The following CLDN15 variants were observed in gnomAD, a reference collection of about 807,000 sequenced individuals.
CLDN15 encodes the protein claudin-15.
CLDN15 carries 9 observed loss-of-function variants against 24.5 expected under a neutral mutation model. The ratio of observed to expected loss-of-function variants is 0.37; its 90% CI spans 0.22 to 0.64. The LOEUF is 0.64. Among genes scored for constraint, CLDN15 ranks in the 30% least tolerant of loss-of-function variants. The probability of loss-of-function intolerance (pLI) is 0.63; values close to 1 mark genes in which losing one functional copy is unlikely to be tolerated. For synonymous variants in CLDN15, 149 were observed against 131.4 expected (o/e 1.13, Z -0.92); for missense variants, 248 against 305.9 (o/e 0.81, Z 1.41).
chr7:101,232,109 CATTTATTAATGAATGT>C lies in CLDN15; in HGVS notation c.*285_*300del, dbSNP rs1798510204. The C allele has an allele frequency of 7.2e-6, 2 of 276,076 alleles. No individual in the cohort carries two copies. The highest frequency in any genetic ancestry group is 1.4e-5 in the Non-Finnish European group (2 of 147,100). 17.1% of individuals were successfully genotyped at this position (276,076 alleles called of 1,614,324 possible). ...TCAAGCCCTGAACGGTCACAATATG[CATTTATTAATGAATGT>C]ATTTATACACAATACAAACGTGCGG... On this transcript the variant is annotated 3_prime_UTR_variant, in exon 5 of 5. Transcript: ENST00000308344.
intron 2 of CLDN15, 76 bp downstream of exon 2, chr7:101,234,202 G>A (rs1361080183): frequency 8.7e-7 from 1 of 1,152,234 alleles, no homozygotes; most frequent in Non-Finnish European, 1.3e-6. Flanking sequence ...AATTGGAGAG[G>A]AGATTAGATG....
intron 1 of CLDN15, among the ~76,000 whole-genome samples, chr7:101,236,256 T>A (rs1250061061): frequency 2.0e-5 from 3 of 150,794 alleles, no homozygotes; most frequent in Non-Finnish European, 4.4e-5. Flanking sequence ...TATAGGGTTT[T>A]TTTTGGGGGG....
chr7:101,232,743 G>A (rs748897775), intron 3 of CLDN15, 23 bp from the exon 4 acceptor site: 8 of 1,587,966 alleles, frequency 5.0e-6, no homozygotes, highest in East Asian at 2.3e-5. Context: ...GCGGCGCGGG[G>A]GCGGGGGACA....
rs1283605415 is a variant in CLDN15, at chr7:101,237,636, C to T, written c.-55G>A. 3 of 1,336,712 alleles carry T rather than the reference C, an allele frequency of 2.2e-6. No individual in the cohort carries two copies. Among genetic ancestry groups the T allele is most frequent in the Non-Finnish European group, 3.2e-6 (3 of 934,340 alleles). The allele number at this position is 1,336,712 out of a possible 1,614,324, so 82.8% of individuals were successfully genotyped here. ...GCCCCAGAGAGGGGGAGGGGCAGAACCCCTAGGGAACTGGAAGGGGCTGCG... is the reference window on the plus strand; with the variant it reads ...GCCCCAGAGAGGGGGAGGGGCAGAATCCCTAGGGAACTGGAAGGGGCTGCG... On this transcript the variant is annotated 5_prime_UTR_variant, in exon 1 of 5. Coordinates refer to ENST00000308344, the MANE Select transcript of CLDN15 (RefSeq NM_014343.3). The surrounding 1 kb of genome is among the most constrained non-coding windows in gnomAD (Gnocchi z 4.0).
At position 101,232,633 on chromosome 7, in the gene CLDN15, G is replaced by A; in HGVS notation, c.552C>T (p.Cys184=). 6.3e-7 allele frequency: 1 copy of A among 1,586,916 alleles called. No homozygotes were observed. Among genetic ancestry groups the A allele is most frequent in the Non-Finnish European group, 8.6e-7 (1 of 1,167,000 alleles). The part of the protein sequence containing the change: ...LGGLCLCSAC[C]CGSDEDPAAS... Reference sequence around the variant, plus strand: ...CGGCTGGGTCCTCGTCAGAGCCGCAGCAGCAGGCGGAGCAGAGGCAGAGGC... The same window carrying A: ...CGGCTGGGTCCTCGTCAGAGCCGCAACAGCAGGCGGAGCAGAGGCAGAGGC... The change falls in exon 4 of 5, where the codon TGC becomes TGT. Residue 184 remains cysteine, a synonymous_variant. Coordinates refer to ENST00000308344, the MANE Select transcript of CLDN15 (RefSeq NM_014343.3).
At chr7:101,233,556 C>G (rs1479399704) in intron 2 of CLDN15, among the ~76,000 whole-genome samples, 2 of 152,126 alleles carry the variant, frequency 1.3e-5, no homozygotes, top group African/African-American at 4.8e-5. Context: ...TCTCACTATG[C>G]TGCCCAGGCT....
At chr7:101,233,787 T>TA (rs1798548067) in intron 2 of CLDN15, 1 of 152,880 alleles carries the variant, frequency 6.5e-6, no homozygotes. Context: ...TTTTTTTTTT[T>TA]TTTTTTTGGT....
chr7:101,234,727 C>T (rs1300328883), intron 1 of CLDN15, among the ~76,000 whole-genome samples: 1 of 152,084 alleles, frequency 6.6e-6, no homozygotes, highest in South Asian at 2.1e-4. Flanking sequence ...GTGCCAGGCC[C>T]CCCTCACCTT....
Position 101,237,696 on chromosome 7 carries a change from A to G in CLDN15, c.-115T>C. On this transcript the variant is annotated 5_prime_UTR_variant, in exon 1 of 5. Coordinates refer to ENST00000308344, the MANE Select transcript of CLDN15 (RefSeq NM_014343.3). This position sits in a 1 kb window ranked among gnomAD's most constrained non-coding sequence, Gnocchi z 4.0. ...GGTTGTCCAGGCAGGCTGGGGTGGA[A>G]TCAGCCTCAGCCTCTGCCTGCCTCT... 1.4e-6 allele frequency: 1 copy of G among 734,092 alleles called. No homozygotes were observed. The highest frequency in any genetic ancestry group is 2.4e-6 in the Non-Finnish European group (1 of 419,074). 45.5% of individuals were successfully genotyped at this position (734,092 alleles called of 1,614,324 possible). A position where few individuals can be genotyped will look rare whatever the true frequency, so the allele number is the denominator to read the frequency against.
Position 101,237,604 on chromosome 7 carries a change from G to A in CLDN15, c.-23C>T, listed in dbSNP as rs548501878. 5.1e-6 allele frequency: 8 copies of A among 1,577,286 alleles called. No individual in the cohort carries two copies. In the South Asian group the frequency reaches 8.9e-5, roughly 18 times the overall value. On this transcript the variant is annotated 5_prime_UTR_variant, in exon 1 of 5. Transcript: ENST00000308344. The surrounding 1 kb of genome is among the most constrained non-coding windows in gnomAD (Gnocchi z 4.0). ...CATGGTGGGATGCAGGACCCTGGGG[G>A]GCTGGTGCCCCAGAGAGGGGGAGGG...
upstream of CLDN15, chr7:101,238,071 G>A (rs1798669914): frequency 4.7e-6 from 1 of 213,470 alleles, no homozygotes; most frequent in African/African-American, 2.2e-5. Flanking sequence ...GGAGTGAAAA[G>A]ATGACAGAGA....
chr7:101,232,593 A>C lies in CLDN15; in HGVS notation c.581+11T>G. 1 of 1,594,774 alleles carries C rather than the reference A, an allele frequency of 6.3e-7. No homozygotes were observed. The highest frequency in any genetic ancestry group is 8.5e-7 in the Non-Finnish European group (1 of 1,170,718). On this transcript the variant is annotated intron_variant, in intron 4 of 4. Transcript: ENST00000308344. ...CCCGCCCGGCCCCAGCCTGCGCCTC[A>C]CCCTGCTCACCTGGCGGCTGGGTCC...
upstream of CLDN15, chr7:101,237,908 G>A (rs1452339152): frequency 4.3e-5 from 16 of 373,138 alleles, no homozygotes; most frequent in South Asian, 2.7e-4. This position sits in a 1 kb window ranked among gnomAD's most constrained non-coding sequence, Gnocchi z 4.0. Flanking sequence ...CGGGCTCCCC[G>A]CCCCACGAGG....
At position 101,232,588 on chromosome 7, in the gene CLDN15, G is replaced by A. The variant is rs776536091; in HGVS notation, c.581+16C>T. 6.3e-7 allele frequency: 1 copy of A among 1,593,540 alleles called. No homozygotes were observed. Among genetic ancestry groups the A allele is most frequent in the East Asian group, 2.3e-5 (1 of 44,260 alleles). On this transcript the variant is annotated intron_variant, in intron 4 of 4. Coordinates refer to ENST00000308344, the MANE Select transcript of CLDN15 (RefSeq NM_014343.3). Reference sequence around the variant, plus strand: ...CCAATCCCGCCCGGCCCCAGCCTGCGCCTCACCCTGCTCACCTGGCGGCTG... The same window carrying A: ...CCAATCCCGCCCGGCCCCAGCCTGCACCTCACCCTGCTCACCTGGCGGCTG...
Position 101,237,419 on chromosome 7 carries a change from C to T in CLDN15, c.163G>A (p.Asp55Asn), listed in dbSNP as rs750625230. The change falls in exon 1 of 5, where the codon GAC becomes AAC. Residue 55 changes from aspartate to asparagine, a missense_variant. By Grantham distance (23) the Asp-to-Asn change is conservative. Transcript: ENST00000308344. This position sits in a 1 kb window ranked among gnomAD's most constrained non-coding sequence, Gnocchi z 4.0. The part of the protein sequence containing the change: ...FENLWFSCAT[D>N]SLGVYNCWEF... The stretch of plus-strand genomic sequence containing the variant: ...CAGCAGTTGTAGACGCCCAGGGAGT[C>T]GGTGGCACAGCTAAACCAGAGGTTC... The T allele has an allele frequency of 1.5e-5, 25 of 1,613,634 alleles. No homozygotes were observed. Among genetic ancestry groups the T allele is most frequent in the South Asian group, 3.3e-5 (3 of 90,974 alleles).
Position 101,234,519 on chromosome 7 carries a change from C to G in CLDN15, c.218-77G>C. 3 of 1,038,172 alleles carry G rather than the reference C, an allele frequency of 2.9e-6. 1 individual carries two copies. In the South Asian group the frequency reaches 4.1e-5, roughly 14 times the overall value. The allele number at this position is 1,038,172 out of a possible 1,614,324, so 64.3% of individuals were successfully genotyped here. A position where few individuals can be genotyped will look rare whatever the true frequency, so the allele number is the denominator to read the frequency against. ...CCAGCCCAACAGCCCCTCACCATCC[C>G]AGGTTCAAGTGATTCTCCTGCCTCA... On this transcript the variant is annotated intron_variant, in intron 1 of 4. Transcript: ENST00000308344.
At chr7:101,238,391 G>A (rs957630936), upstream of CLDN15, 6 of 152,530 alleles carry the variant, frequency 3.9e-5, no homozygotes, top group African/African-American at 1.4e-4. Context: ...TGCAGGGGCT[G>A]TGGTGAGAAC....
Position 101,237,735 on chromosome 7 carries a change from G to A in CLDN15, c.-154C>T, listed in dbSNP as rs1352453502. 1.6e-6 allele frequency: 1 copy of A among 641,950 alleles called. No individual in the cohort carries two copies. Among genetic ancestry groups the A allele is most frequent in the African/African-American group, 1.8e-5 (1 of 55,378 alleles). 39.8% of individuals were successfully genotyped at this position (641,950 alleles called of 1,614,324 possible). On this transcript the variant is annotated 5_prime_UTR_variant, in exon 1 of 5. Coordinates refer to ENST00000308344, the MANE Select transcript of CLDN15 (RefSeq NM_014343.3). This position sits in a 1 kb window ranked among gnomAD's most constrained non-coding sequence, Gnocchi z 4.0. ...CTGCCTGCCTCTTCCTCGGGCTCAG[G>A]TCCGTCTCCACTTTCTGCCTCCCTC...
chr7:101,232,312 G>T lies in CLDN15; in HGVS notation c.*98C>A. 1.2e-6 allele frequency: 1 copy of T among 823,672 alleles called. No individual in the cohort carries two copies. The allele number at this position is 823,672 out of a possible 1,614,324, so 51.0% of individuals were successfully genotyped here. On this transcript the variant is annotated 3_prime_UTR_variant, in exon 5 of 5. Transcript: ENST00000308344. Reference sequence around the variant, plus strand: ...CGGGGCGGGGCTACGGGAGCGGGGCGTGGCCGGCCCCTGAGGTTACTATAG... The same window carrying T: ...CGGGGCGGGGCTACGGGAGCGGGGCTTGGCCGGCCCCTGAGGTTACTATAG...
Sources: gnomAD v4.1 joint callset for allele counts (sites outside exome capture counted in the v4.1 genomes callset) on GRCh38, gnomAD v4.1.1 for gene constraint, Gnocchi (gnomAD v3.1) non-coding constraint, MANE v1.5 for transcripts, NCBI Gene and HGNC (gene_info 2026-07-23, HGNC 2026-07-21) for gene names.